Variants in SDCCAG8 observed in about 807,000 individuals in gnomAD.
SDCCAG8 encodes serologically defined colon cancer antigen 8.
A neutral mutation model predicts 101.8 loss-of-function variants in SDCCAG8; 74 were observed. The ratio of observed to expected loss-of-function variants is 0.73; its 90% CI spans 0.60 to 0.88. The LOEUF (loss-of-function observed/expected upper bound fraction) is 0.88, where lower values mean the gene tolerates loss of function less well. Ranked by LOEUF, SDCCAG8 falls within the 40% of genes least tolerant of loss-of-function variation. SDCCAG8 has a pLI of 0.00. For missense variants in SDCCAG8, 787 were observed against 822.6 expected, an observed-to-expected ratio of 0.96 and a Z score of 0.53; for synonymous variants, 281 against 292.9, an observed-to-expected ratio of 0.96 and a Z score of 0.41.
chr1:243,436,253 C>T (rs890077285), intron 16 of SDCCAG8, among the ~76,000 whole-genome samples: 2 of 150,840 alleles, frequency 1.3e-5, no homozygotes, highest in African/African-American at 4.9e-5. Flanking sequence ...GGGTCCCGAG[C>T]GGGTTGCCCC....
chr1:243,365,561 G>A (rs1397567965), intron 12 of SDCCAG8, among the ~76,000 whole-genome samples: 1 of 152,112 alleles, frequency 6.6e-6, no homozygotes, highest in Non-Finnish European at 1.5e-5. Context: ...TTTAATTTGT[G>A]ATAGTAGAAA....
chr1:243,499,826 T>G lies in SDCCAG8; in HGVS notation c.*41T>G. ...GTGAAATAAATGATTTACAAAGAGA[T>G]ATTTACATTCATCTGGTTTAGACTT... On this transcript the variant is annotated 3_prime_UTR_variant, in exon 18 of 18. Coordinates refer to ENST00000366541, the MANE Select transcript of SDCCAG8 (RefSeq NM_006642.5). The G allele has an allele frequency of 6.3e-7, 1 of 1,593,610 alleles. No individual in the cohort carries two copies. The highest frequency in any genetic ancestry group is 1.1e-5 in the South Asian group (1 of 90,526).
At chr1:243,483,542 C>T (rs576376521) in intron 16 of SDCCAG8, among the ~76,000 whole-genome samples, 11 of 152,294 alleles carry the variant, frequency 7.2e-5, no homozygotes, top group South Asian at 2.1e-4. Flanking sequence ...TCCCCAGCGG[C>T]TTCGGTGGCT....
chr1:243,327,322 A>AAATTATAATTATAATTTTATAGAAATTAT (rs2074233310), intron 9 of SDCCAG8, among the ~76,000 whole-genome samples: 1 of 144,328 alleles, frequency 6.9e-6, no homozygotes, highest in Admixed American at 6.9e-5. Context: ...ATAGAAATTA[A>AAATTATAATTATAATTTTATAGAAATTAT]AATTATAATT....
intron 10 of SDCCAG8, among the ~76,000 whole-genome samples, chr1:243,333,038 A>T (rs1482496864): frequency 2.6e-5 from 4 of 152,218 alleles, no homozygotes; most frequent in Non-Finnish European, 5.9e-5. Context: ...AGCCTTACTT[A>T]ACTAACAAAG....
intron 15 of SDCCAG8, among the ~76,000 whole-genome samples, chr1:243,423,486 A>C (rs2081145922): frequency 6.6e-6 from 1 of 152,124 alleles, no homozygotes; most frequent in Non-Finnish European, 1.5e-5. Flanking sequence ...TGAAAACAAA[A>C]CTTTATTAAA....
intron 8 of SDCCAG8, among the ~76,000 whole-genome samples, chr1:243,310,036 G>A (rs1182786521): frequency 1.3e-5 from 2 of 151,928 alleles, no homozygotes. Flanking sequence ...GCTAATTTTT[G>A]TATTTTTAGT....
chr1:243,342,060 A>T lies in SDCCAG8; in HGVS notation c.1356+887A>T, dbSNP rs552149241. Among the ~76,000 whole-genome samples the T allele has an allele frequency of 4.6e-5, 7 of 152,246 alleles. No individual in the cohort carries two copies. In the South Asian group the frequency reaches 1.2e-3, roughly 27 times the overall value. On this transcript the variant is annotated intron_variant, in intron 11 of 17. Transcript: ENST00000366541. ...GGGAGCCATTTTACCCTTTTTCTTGAGTTTCTATAATTCTCCATTTGCTTT... is the reference window on the plus strand; with the variant it reads ...GGGAGCCATTTTACCCTTTTTCTTGTGTTTCTATAATTCTCCATTTGCTTT...
intron 16 of SDCCAG8, among the ~76,000 whole-genome samples, chr1:243,444,378 G>GTT (rs201182052): frequency 2.1e-5 from 3 of 143,698 alleles, no homozygotes; most frequent in East Asian, 2.0e-4. Flanking sequence ...TGTTTGTTTT[G>GTT]TTTTTTTTTT....
In SDCCAG8 at chr1:243,499,898, G is replaced by C; in HGVS notation, c.*113G>C. The C allele has an allele frequency of 2.0e-6, 2 of 989,042 alleles. No individual in the cohort carries two copies. Among genetic ancestry groups the C allele is most frequent in the Non-Finnish European group, 3.2e-6 (2 of 634,706 alleles). 61.3% of individuals were successfully genotyped at this position (989,042 alleles called of 1,614,324 possible). ...ACCTTCCCAGGGTGACACCGCCTCA[G>C]CCTGCAGTGGGGCTGGTCCTCATCA... On this transcript the variant is annotated 3_prime_UTR_variant, in exon 18 of 18. Transcript: ENST00000366541.
chr1:243,286,465 C>A, intron 5 of SDCCAG8, 68 bp downstream of exon 5: 1 of 1,535,778 alleles, frequency 6.5e-7, no homozygotes, highest in Non-Finnish European at 9.0e-7. Flanking sequence ...CTCTCCTCGC[C>A]TTCTTCGCTG....
At chr1:243,446,383 C>A (rs1359570496) in intron 16 of SDCCAG8, among the ~76,000 whole-genome samples, 1 of 152,176 alleles carries the variant, frequency 6.6e-6, no homozygotes, top group Non-Finnish European at 1.5e-5. Context: ...CCTTCCACCT[C>A]AGCCTCCCGA....
chr1:243,399,449 T>C (rs2147967162), intron 13 of SDCCAG8, among the ~76,000 whole-genome samples: 1 of 152,304 alleles, frequency 6.6e-6, no homozygotes, highest in Middle Eastern at 3.4e-3. Context: ...CAAAGGTTCT[T>C]TAGCTTGCAA....
chr1:243,426,344 G>C (rs1255510083), intron 15 of SDCCAG8, 83 bp from the exon 16 acceptor site: 1 of 1,193,094 alleles, frequency 8.4e-7, no homozygotes, highest in Admixed American at 2.0e-5. Context: ...TGGAGTTTAA[G>C]ATAATGTTAA....
At chr1:243,461,115 T>C (rs1659021454) in intron 16 of SDCCAG8, among the ~76,000 whole-genome samples, 1 of 152,192 alleles carries the variant, frequency 6.6e-6, no homozygotes, top group Admixed American at 6.5e-5. Context: ...CACAGCTGTT[T>C]CCCTGCTAAA....
At chr1:243,497,129 TCC>T (rs1000468460) in intron 17 of SDCCAG8, among the ~76,000 whole-genome samples, 8 of 152,128 alleles carry the variant, frequency 5.3e-5, no homozygotes, top group African/African-American at 1.9e-4. Context: ...TGACAGGACT[TCC>T]TGGAAATAAG....
rs974901786 is a variant in SDCCAG8, at chr1:243,476,054, A to G, written c.1986-12960A>G. The G allele has an allele frequency of 3.2e-5, 32 of 985,396 alleles. 1 individual carries two copies. The African/African-American group carries it at 5.4e-4, about 17-fold the overall frequency. 61.0% of individuals were successfully genotyped at this position (985,396 alleles called of 1,614,324 possible). A position where few individuals can be genotyped will look rare whatever the true frequency, so the allele number is the denominator to read the frequency against. On this transcript the variant is annotated intron_variant, in intron 16 of 17. Coordinates refer to ENST00000366541, the MANE Select transcript of SDCCAG8 (RefSeq NM_006642.5). ...ACCTTCTAGCTGGAAGAGTTATGCC[A>G]TCATATTATCCCAACACTCATCAGT...
chr1:243,439,204 G>C (rs1292647144), intron 16 of SDCCAG8, among the ~76,000 whole-genome samples: 1 of 151,378 alleles, frequency 6.6e-6, no homozygotes, highest in Non-Finnish European at 1.5e-5. Flanking sequence ...CCCAGGCTGG[G>C]GTGCAGTTGT....
intron 16 of SDCCAG8, among the ~76,000 whole-genome samples, chr1:243,442,561 G>T (rs1424103009): frequency 6.6e-6 from 1 of 151,720 alleles, no homozygotes; most frequent in Non-Finnish European, 1.5e-5. Flanking sequence ...TCTGCCTTCA[G>T]TGTAAAGCCC....
Sources: allele counts gnomAD v4.1 joint callset (sites outside exome capture counted in the v4.1 genomes callset), GRCh38; gene constraint gnomAD v4.1.1; transcripts MANE v1.5; gene names NCBI Gene and HGNC (gene_info 2026-07-23, HGNC 2026-07-21).